Variants in USP40 observed in about 807,000 individuals in gnomAD.
The protein encoded by USP40 is ubiquitin specific peptidase 40, also known as ubiquitin carboxyl-terminal hydrolase 40.
In USP40, 143 loss-of-function variants were observed where a neutral mutation model predicts 166.2. That is an observed-to-expected ratio of 0.86 (90% CI 0.75 to 0.99). USP40 has a LOEUF of 0.99. USP40 is among the 50% of genes least tolerant of loss of function. The pLI is 0.00. For missense variants in USP40, 1,444 were observed against 1,479.7 expected, an observed-to-expected ratio of 0.98 and a Z score of 0.40; for synonymous variants, 498 against 524.0, an observed-to-expected ratio of 0.95 and a Z score of 0.68.
chr2:233,545,993 C>G (rs1225011903), intron 8 of USP40: 2 of 151,332 alleles, frequency 1.3e-5, no homozygotes, highest in African/African-American at 4.9e-5. Flanking sequence ...AACAACAGAA[C>G]AATAAGAAAA....
At chr2:233,501,170 A>G (rs999102286) in intron 21 of USP40, among the ~76,000 whole-genome samples, 6 of 152,230 alleles carry the variant, frequency 3.9e-5, no homozygotes, top group Non-Finnish European at 7.3e-5. Context: ...TTTAAGAAAA[A>G]CAATCAAACA....
chr2:233,494,928 A>ATATT lies in USP40; in HGVS notation c.2791-1378_2791-1377insAATA, dbSNP rs1559224063. Among the ~76,000 whole-genome samples the ATATT allele has an allele frequency of 1.2e-3, 42 of 35,152 alleles. 1 individual carries two copies. The highest frequency in any genetic ancestry group is 7.1e-3 in the African/African-American group (41 of 5,764). The allele number at this position is 35,152 out of a possible 152,430, so 23.1% of individuals were successfully genotyped here. A position where few individuals can be genotyped will look rare whatever the true frequency, so the allele number is the denominator to read the frequency against. On this transcript the variant is annotated intron_variant, in intron 24 of 31. Coordinates refer to ENST00000678225, the MANE Select transcript of USP40 (RefSeq NM_001365479.2). The stretch of plus-strand genomic sequence containing the variant: ...CAAGCAAAATGGCATATATATATAT[A>ATATT]TATATATATATATATATATATATAT...
At chr2:233,556,040 C>G (rs963834549) in intron 5 of USP40, among the ~76,000 whole-genome samples, 1 of 150,212 alleles carries the variant, frequency 6.7e-6, no homozygotes, top group Admixed American at 6.7e-5. Context: ...GGCGTGAACC[C>G]GGGAGGTGGA....
At chr2:233,532,991 A>G (rs546075899) in intron 11 of USP40, among the ~76,000 whole-genome samples, 1 of 152,196 alleles carries the variant, frequency 6.6e-6, no homozygotes, top group Non-Finnish European at 1.5e-5. Flanking sequence ...AATAAAGGAG[A>G]AGATATGAAA....
chr2:233,531,136 A>G (rs988920313), intron 11 of USP40, among the ~76,000 whole-genome samples: 2 of 152,168 alleles, frequency 1.3e-5, no homozygotes, highest in Non-Finnish European at 2.9e-5. Flanking sequence ...TTCCTTCCCC[A>G]AAATATCTGA....
Position 233,540,751 on chromosome 2 carries a change from G to C in USP40, c.1081C>G (p.Pro361Ala). The C allele has an allele frequency of 6.2e-7, 1 of 1,612,948 alleles. No homozygotes were observed. The highest frequency in any genetic ancestry group is 8.5e-7 in the Non-Finnish European group (1 of 1,179,274). Residue 361 changes from proline (P) to alanine (A), a missense_variant, in exon 10 of 32, where the codon CCT (proline) becomes GCT (alanine). Pro to Ala is a conservative substitution (Grantham distance 27, BLOSUM62 -1). Transcript: ENST00000678225. ...ILLEEENNLIPVDQLGQKLLK... is the reference protein window; with the variant it reads ...ILLEEENNLIAVDQLGQKLLK... ...AGTTTCTGGCCCAGCTGATCAACAG[G>C]AATTAGATTATTCTCCTCCTTATGA...
intron 30 of USP40, among the ~76,000 whole-genome samples, chr2:233,483,081 CCT>C (rs35718414): frequency 0.02 from 3,098 of 152,292 alleles, 46 homozygotes; most frequent in Middle Eastern, 0.061. Flanking sequence ...ATGTCGCTCC[CCT>C]GTTTGTGACT....
rs2064927893 is a variant in USP40 at position 233,486,050 on chromosome 2, G to C, written c.3198-73C>G. On this transcript the variant is annotated intron_variant, in intron 28 of 31. Transcript: ENST00000678225. The surrounding 1 kb of genome is among the most constrained non-coding windows in gnomAD (Gnocchi z 4.0). ...CCACGTGGTAACTTGAGGCATAATGGGCAAAGCTTCTCCTCCAGCTTTTCT... is the reference window on the plus strand; with the variant it reads ...CCACGTGGTAACTTGAGGCATAATGCGCAAAGCTTCTCCTCCAGCTTTTCT... The C allele has an allele frequency of 6.9e-7, 1 of 1,455,364 alleles. No individual in the cohort carries two copies. Among genetic ancestry groups the C allele is most frequent in the Non-Finnish European group, 9.1e-7 (1 of 1,093,238 alleles). The allele number at this position is 1,455,364 out of a possible 1,614,324, so 90.2% of individuals were successfully genotyped here. A position where few individuals can be genotyped will look rare whatever the true frequency, so the allele number is the denominator to read the frequency against.
In USP40 at chr2:233,477,406, C is replaced by T. The variant is rs2064234902; in HGVS notation, c.3697G>A (p.Gly1233Arg). The T allele has an allele frequency of 1.9e-6, 3 of 1,613,704 alleles. No homozygotes were observed. Among genetic ancestry groups the T allele is most frequent in the East Asian group, 2.2e-5 (1 of 44,880 alleles). ...CAGCGGCGCGGTTATCTGAAGCTCC[C>T]CACGTGGATGGAGAGAGAAGTTTCC... Reference protein sequence around the residue: ...APETSLSIHVGSFR With the variant: ...APETSLSIHVRSFR The change falls in exon 32 of 32, where the codon GGG (glycine) becomes AGG (arginine). Residue 1233 changes from glycine (G) to arginine (R), a missense_variant. Physicochemically the swap from Gly to Arg is moderately radical, Grantham distance 125. Coordinates refer to ENST00000678225, the MANE Select transcript of USP40 (RefSeq NM_001365479.2).
intron 31 of USP40, among the ~76,000 whole-genome samples, chr2:233,479,190 A>G (rs1218373125): frequency 6.6e-6 from 1 of 152,226 alleles, no homozygotes; most frequent in East Asian, 1.9e-4. Flanking sequence ...ATGTCTCCAA[A>G]TAACAGCCCT....
At chr2:233,479,175 A>G (rs2971864) in intron 31 of USP40, among the ~76,000 whole-genome samples, 43,426 of 152,116 alleles carry the variant, frequency 0.29, 7,369 homozygotes, top group African/African-American at 0.48. Context: ...CTGGGGAACT[A>G]TTGGATGTCT....
At chr2:233,559,353 C>T (rs1559287752) in intron 4 of USP40, among the ~76,000 whole-genome samples, 2 of 152,198 alleles carry the variant, frequency 1.3e-5, no homozygotes, top group Non-Finnish European at 1.5e-5. Context: ...ACCTTCAAAT[C>T]AGAACATGTG....
chr2:233,522,379 A>C (rs978963573), intron 16 of USP40, among the ~76,000 whole-genome samples: 2 of 152,126 alleles, frequency 1.3e-5, no homozygotes, highest in African/African-American at 4.8e-5. Context: ...CAAGGTAGGG[A>C]ATGTCTGCAA....
At chr2:233,510,199 A>G in intron 20 of USP40, 64 bp from the exon 21 acceptor site, 1 of 1,286,884 alleles carries the variant, frequency 7.8e-7, no homozygotes. Flanking sequence ...TAAATGTATT[A>G]TTTACTTTCA....
At position 233,551,520 on chromosome 2, in the gene USP40, C is replaced by A. The variant is rs747944872; in HGVS notation, c.694-1G>T. The stretch of plus-strand genomic sequence containing the variant: ...GAGGCAGCTTACGTAATTTGGCCGA[C>A]TGTTAAAAGAAAAATTTACAAAGCT... On this transcript the variant is annotated splice_acceptor_variant, in intron 6 of 31. Coordinates refer to ENST00000678225, the MANE Select transcript of USP40 (RefSeq NM_001365479.2). LOFTEE classifies it high-confidence loss of function. 3 of 1,583,200 alleles carry A rather than the reference C, an allele frequency of 1.9e-6. No homozygotes were observed. The African/African-American group carries it at 4.1e-5, about 22-fold the overall frequency.
chr2:233,558,503 CT>C (rs2071295462), intron 4 of USP40, among the ~76,000 whole-genome samples: 1 of 152,122 alleles, frequency 6.6e-6, no homozygotes, highest in Non-Finnish European at 1.5e-5. Flanking sequence ...TGAAAGAAGA[CT>C]GTTACGAGAC....
chr2:233,565,518 C>T lies in USP40; in HGVS notation c.37G>A (p.Val13Met). The T allele has an allele frequency of 6.5e-7, 1 of 1,537,248 alleles. No homozygotes were observed. The highest frequency in any genetic ancestry group is 1.2e-5 in the South Asian group (1 of 84,052). The stretch of plus-strand genomic sequence containing the variant: ...CCTTTTCCATACTGATTATTAGACA[C>T]AGTGGAATACTCCTCTTCAAACAGG... ...GDLFEEEYST[V>M]SNNQYGKGKK... is the part of the protein sequence containing the mutation. The change falls in exon 2 of 32, where the codon GTG (valine) becomes ATG (methionine). Residue 13 changes from valine (V) to methionine (M), a missense_variant. By Grantham distance (21) the Val-to-Met change is conservative. Transcript: ENST00000678225.
At chr2:233,530,300 C>T (rs2068420084) in intron 11 of USP40, among the ~76,000 whole-genome samples, 1 of 151,942 alleles carries the variant, frequency 6.6e-6, no homozygotes, top group Admixed American at 6.6e-5. Context: ...TCATTTCATA[C>T]ACTGTATTTT....
In USP40 at chr2:233,524,516, G is replaced by A; in HGVS notation, c.1857C>T (p.Asp619=). Residue 619 remains aspartate, a synonymous_variant, in exon 15 of 32, where the codon GAC becomes GAT. Coordinates refer to ENST00000678225, the MANE Select transcript of USP40 (RefSeq NM_001365479.2). ...CCTCCACCCCATTCCACACAAAGAT[G>A]TCTTCCCCATCAGCAATTTCAGTTT... The part of the protein sequence containing the change: ...LCETEIADGE[D]IFVWNGVEVG... 3 of 1,606,834 alleles carry A rather than the reference G, an allele frequency of 1.9e-6. No homozygotes were observed. Among genetic ancestry groups the A allele is most frequent in the South Asian group, 1.1e-5 (1 of 89,216 alleles).
Sources: allele counts gnomAD v4.1 joint callset (sites outside exome capture counted in the v4.1 genomes callset), GRCh38; gene constraint gnomAD v4.1.1; non-coding constraint Gnocchi (gnomAD v3.1); transcripts MANE v1.5; gene names NCBI Gene and HGNC (gene_info 2026-07-23, HGNC 2026-07-21).